Variants in GLOD4 observed in about 807,000 individuals in gnomAD.
GLOD4 encodes glyoxalase domain containing 4.
GLOD4 carries 44 observed loss-of-function variants against 39.1 expected under a neutral mutation model. The ratio of observed to expected loss-of-function variants is 1.13; its 90% CI spans 0.88 to 1.45. The LOEUF (loss-of-function observed/expected upper bound fraction) is 1.45, where lower values mean the gene tolerates loss of function less well. GLOD4 is among the 40% of genes most tolerant of loss of function. GLOD4 has a pLI of 0.00. For missense variants in GLOD4, 405 were observed against 366.4 expected (o/e 1.11, Z -0.86); for synonymous variants, 145 against 135.0 (o/e 1.07, Z -0.52).
intron 4 of GLOD4, among the ~76,000 whole-genome samples, chr17:772,187 G>GAAAAAAAAA (rs58914913): frequency 2.6e-4 from 13 of 50,870 alleles, no homozygotes; most frequent in Non-Finnish European, 3.3e-4. Flanking sequence ...ACCCTATCTC[G>GAAAAAAAAA]AAAAAAAAAA....
chr17:777,055 C>G, intron 2 of GLOD4, 67 bp from the exon 3 acceptor site: 1 of 1,489,608 alleles, frequency 6.7e-7, no homozygotes. Flanking sequence ...CCCCAGAGAA[C>G]TACTGGGCAC....
intron 1 of GLOD4, among the ~76,000 whole-genome samples, chr17:779,645 A>AGTC: frequency 6.6e-6 from 1 of 152,234 alleles, no homozygotes; most frequent in African/African-American, 2.4e-5. Flanking sequence ...ACTCAAAAAA[A>AGTC]AAAAAAAGTC....
chr17:775,732 G>C (rs781640466), intron 4 of GLOD4, 43 bp downstream of exon 4: 1 of 1,544,278 alleles, frequency 6.5e-7, no homozygotes, highest in Non-Finnish European at 8.9e-7. Context: ...TTTCACCAAA[G>C]ATGCCTTTAG....
chr17:771,135 A>C lies in GLOD4; in HGVS notation c.543+190T>G, dbSNP rs186413317. 1.4e-4 allele frequency: 60 copies of C among 439,480 alleles called. No homozygotes were observed. The Admixed American group carries it at 1.7e-3, about 12-fold the overall frequency. The allele number at this position is 439,480 out of a possible 1,614,324, so 27.2% of individuals were successfully genotyped here. A position where few individuals can be genotyped will look rare whatever the true frequency, so the allele number is the denominator to read the frequency against. ...AGAGATATATCCCCAAATATAAACA[A>C]GGTAATATCTGGGTGGTAAGGTTAT... On this transcript the variant is annotated intron_variant, in intron 5 of 8. Coordinates refer to ENST00000301329, the MANE Select transcript of GLOD4 (RefSeq NM_016080.4).
intron 1 of GLOD4, among the ~76,000 whole-genome samples, chr17:780,041 G>A (rs909803118): frequency 6.6e-6 from 1 of 152,172 alleles, no homozygotes; most frequent in African/African-American, 2.4e-5. Flanking sequence ...GCGGGCGCCT[G>A]TAGTACCAGC....
In GLOD4 at chr17:770,084, G is replaced by A. The variant is rs752349761; in HGVS notation, c.704C>T (p.Pro235Leu). The change falls in exon 7 of 9, where the codon CCA becomes CTA. Residue 235 changes from proline to leucine, a missense_variant. Coordinates refer to ENST00000301329, the MANE Select transcript of GLOD4 (RefSeq NM_016080.4). ...GACCACCTGTACTGTTGCTTTCCCT[G>A]GGGTGTCCAGGCTCACCAGGGGAGT... Reference protein sequence around the residue: ...ILTPLVSLDTPGKATVQVVIL... With the variant: ...ILTPLVSLDTLGKATVQVVIL... 4.6e-5 allele frequency: 74 copies of A among 1,612,234 alleles called. No individual in the cohort carries two copies. The highest frequency in any genetic ancestry group is 5.8e-5 in the Non-Finnish European group (68 of 1,178,488).
In GLOD4 at chr17:781,911, C is replaced by T. The variant is rs1365813288; in HGVS notation, c.90+255G>A. The T allele has an allele frequency of 3.1e-5, 15 of 487,210 alleles. No individual in the cohort carries two copies. The South Asian group carries it at 5.6e-4, about 18-fold the overall frequency. 30.2% of individuals were successfully genotyped at this position (487,210 alleles called of 1,614,324 possible). A position where few individuals can be genotyped will look rare whatever the true frequency, so the allele number is the denominator to read the frequency against. On this transcript the variant is annotated intron_variant, in intron 1 of 8. Transcript: ENST00000301329. ...CTCCACAAGGGCGGGGCTCAATAAA[C>T]GTTTACGAGTGGCTTAAATGAAAGG...
intron 8 of GLOD4, among the ~76,000 whole-genome samples, chr17:767,295 G>T (rs763488663): frequency 6.6e-6 from 1 of 152,240 alleles, no homozygotes; most frequent in East Asian, 1.9e-4. Flanking sequence ...TGTGCTAGGA[G>T]CTAGGATCCA....
chr17:779,002 G>A (rs1200353526), intron 1 of GLOD4, among the ~76,000 whole-genome samples: 1 of 152,124 alleles, frequency 6.6e-6, no homozygotes, highest in Non-Finnish European at 1.5e-5. Flanking sequence ...GGGAAAAAGT[G>A]TGGCCTTCAG....
At chr17:769,667 T>C (rs930926631) in intron 8 of GLOD4, among the ~76,000 whole-genome samples, 2 of 152,236 alleles carry the variant, frequency 1.3e-5, no homozygotes, top group East Asian at 1.9e-4. Context: ...GAGGTTGTGG[T>C]AAGGCACAAA....
At chr17:777,931 C>T (rs907455941) in intron 2 of GLOD4, among the ~76,000 whole-genome samples, 1 of 152,074 alleles carries the variant, frequency 6.6e-6, no homozygotes, top group African/African-American at 2.4e-5. Flanking sequence ...ACTTTCAGTC[C>T]CATCCACCAA....
At chr17:782,766 C>T (rs191360526), upstream of GLOD4, 424 of 1,433,976 alleles carry the variant, frequency 3.0e-4, 2 homozygotes, top group East Asian at 6.2e-3. Context: ...AACCTCCTTC[C>T]GATGGAGGAC....
intron 4 of GLOD4, among the ~76,000 whole-genome samples, chr17:775,330 C>T (rs1211954147): frequency 2.0e-5 from 3 of 152,168 alleles, no homozygotes; most frequent in Non-Finnish European, 2.9e-5. Context: ...CATGTGGCCC[C>T]ACCTGCTCCT....
rs1471995274 is a variant in GLOD4, at chr17:768,288, CAG to C, written c.831+1579_831+1580del. 1.9e-3 allele frequency among the ~76,000 whole-genome samples: 279 copies of C among 144,378 alleles called. 4 individuals carry two copies. The highest frequency in any genetic ancestry group is 5.8e-3 in the African/African-American group (224 of 38,406). The allele number at this position is 144,378 out of a possible 152,430, so 94.7% of individuals were successfully genotyped here. On this transcript the variant is annotated intron_variant, in intron 8 of 8. Transcript: ENST00000301329. The stretch of plus-strand genomic sequence containing the variant: ...CTGGAGAGGATGTGAGAGAGAGAAA[CAG>C]GGCGCACTCAGATTTTTAGAAGAAG...
At chr17:782,663 T>TA (rs1280398134), upstream of GLOD4, 1 of 1,610,644 alleles carries the variant, frequency 6.2e-7, no homozygotes, top group African/African-American at 1.3e-5. Flanking sequence ...TTCGCTACGA[T>TA]AAAGCTTATC....
chr17:763,957 G>A (rs986275842), intron 8 of GLOD4: 3 of 152,234 alleles, frequency 2.0e-5, no homozygotes, highest in African/African-American at 7.2e-5. Context: ...ACGAAGGAAT[G>A]ATGAAAAACT....
upstream of GLOD4, among the ~76,000 whole-genome samples, chr17:784,092 G>C (rs2144516520): frequency 1.3e-5 from 2 of 152,318 alleles, no homozygotes; most frequent in Admixed American, 1.3e-4. Context: ...CCTTCATTTG[G>C]CTGAATCTGA....
intron 4 of GLOD4, among the ~76,000 whole-genome samples, chr17:775,445 C>A (rs1358047637): frequency 6.6e-6 from 1 of 152,140 alleles, no homozygotes; most frequent in Non-Finnish European, 1.5e-5. Flanking sequence ...AATCATCTAA[C>A]CTTGAAATCT....
chr17:773,491 G>C (rs1366096052), intron 4 of GLOD4, among the ~76,000 whole-genome samples: 2 of 151,792 alleles, frequency 1.3e-5, no homozygotes, highest in African/African-American at 4.9e-5. Flanking sequence ...GTCAGCAGTG[G>C]TTCTCTCTGG....
Sources: gnomAD v4.1 joint callset for allele counts (sites outside exome capture counted in the v4.1 genomes callset) on GRCh38, gnomAD v4.1.1 for gene constraint, MANE v1.5 for transcripts, NCBI Gene and HGNC (gene_info 2026-07-23, HGNC 2026-07-21) for gene names.